The following PTPRQ variants were observed in gnomAD, a reference collection of about 807,000 sequenced individuals.
The protein encoded by PTPRQ is phosphatidylinositol phosphatase PTPRQ.
PTPRQ carries 199 observed loss-of-function variants against 246.0 expected under a neutral mutation model. That is an observed-to-expected ratio of 0.81 (90% CI 0.72 to 0.91). The LOEUF (loss-of-function observed/expected upper bound fraction) is 0.91. Among genes scored for constraint, PTPRQ ranks in the 40% least tolerant of loss-of-function variants. PTPRQ has a pLI of 0.00. For synonymous variants in PTPRQ, 869 were observed against 853.2 expected (o/e 1.02, Z -0.32); for missense variants, 2,624 against 2,528.4 (o/e 1.04, Z -0.81).
At chr12:80,667,279 A>C (rs1900817567) in intron 39 of PTPRQ, among the ~76,000 whole-genome samples, 1 of 151,858 alleles carries the variant, frequency 6.6e-6, no homozygotes, top group Non-Finnish European at 1.5e-5. Flanking sequence ...CCTTCTTCAA[A>C]ACTGTCTTCA....
intron 6 of PTPRQ, among the ~76,000 whole-genome samples, chr12:80,467,754 A>G (rs1182722750): frequency 2.0e-5 from 3 of 151,890 alleles, no homozygotes; most frequent in African/African-American, 4.8e-5. Flanking sequence ...AACTATCACA[A>G]GAACAAAAAA....
intron 25 of PTPRQ, among the ~76,000 whole-genome samples, chr12:80,568,898 A>G (rs1897056840): frequency 6.6e-6 from 1 of 152,150 alleles, no homozygotes; most frequent in Admixed American, 6.5e-5. Flanking sequence ...ATATTATAAA[A>G]TTTTTCATAC....
chr12:80,511,981 GC>G (rs1555190832), intron 17 of PTPRQ, among the ~76,000 whole-genome samples: 1 of 152,180 alleles, frequency 6.6e-6, no homozygotes, highest in Non-Finnish European at 1.5e-5. Flanking sequence ...GGGATGCTAG[GC>G]TATTTTAGTA....
chr12:80,640,568 C>A (rs1899820163), intron 35 of PTPRQ, among the ~76,000 whole-genome samples: 2 of 152,124 alleles, frequency 1.3e-5, no homozygotes, highest in African/African-American at 4.8e-5. Flanking sequence ...TGAATCTTTA[C>A]TTGCAGATAC....
At chr12:80,574,814 C>A (rs1044446276) in intron 25 of PTPRQ, among the ~76,000 whole-genome samples, 2 of 152,062 alleles carry the variant, frequency 1.3e-5, no homozygotes, top group Admixed American at 6.6e-5. Flanking sequence ...CATGCACACT[C>A]GGTTTTTCAG....
At chr12:80,582,792 G>A (rs1565800333) in intron 25 of PTPRQ, among the ~76,000 whole-genome samples, 1 of 152,090 alleles carries the variant, frequency 6.6e-6, no homozygotes, top group African/African-American at 2.4e-5. Flanking sequence ...TCGGATATGA[G>A]GTTAGATGAA....
At position 80,669,059 on chromosome 12, in the gene PTPRQ, C is replaced by T. The variant is rs986995950; in HGVS notation, c.6245C>T (p.Thr2082Ile). 7 of 1,550,416 alleles carry T rather than the reference C, an allele frequency of 4.5e-6. No individual in the cohort carries two copies. The Admixed American group carries it at 5.9e-5, about 13-fold the overall frequency. The change falls in exon 40 of 45, where the codon ACA becomes ATA. Residue 2082 changes from threonine (T) to isoleucine (I), a missense_variant. Coordinates refer to ENST00000644991, the MANE Select transcript of PTPRQ (RefSeq NM_001145026.2). ...GCTACTCAAGGTCCACTACCAGGAA[C>T]AGTTGGAGATTTTTGGAGAATGGTG... The part of the protein sequence containing the change: ...FIATQGPLPG[T>I]VGDFWRMVWE...
At chr12:80,578,475 C>G (rs1156920621) in intron 25 of PTPRQ, among the ~76,000 whole-genome samples, 1 of 151,992 alleles carries the variant, frequency 6.6e-6, no homozygotes, top group East Asian at 1.9e-4. Context: ...ACTGCAAGCT[C>G]CGCCTCCCGG....
Position 80,613,655 on chromosome 12 carries a change from A to C in PTPRQ, c.4982A>C (p.Gln1661Pro). 1 of 1,545,812 alleles carries C rather than the reference A, an allele frequency of 6.5e-7. No homozygotes were observed. Among genetic ancestry groups the C allele is most frequent in the East Asian group, 2.5e-5 (1 of 40,712 alleles). ...QKIPDEVTKF[Q>P]LTFLPPSQPN... ...ATACCAGATGAAGTTACAAAATTTC[A>C]ATTAACGTTCCTTCCTCCTTCTCAA... The change falls in exon 29 of 45, where the codon CAA becomes CCA. Residue 1661 changes from glutamine to proline, a missense_variant. Gln to Pro is a moderately conservative substitution (Grantham distance 76, BLOSUM62 -1). Coordinates refer to ENST00000644991, the MANE Select transcript of PTPRQ (RefSeq NM_001145026.2).
chr12:80,641,997 C>T (rs968413905), intron 35 of PTPRQ, among the ~76,000 whole-genome samples: 2 of 149,286 alleles, frequency 1.3e-5, no homozygotes, highest in East Asian at 3.9e-4. Context: ...TTGCTTCTTT[C>T]TTTTTTCTTG....
chr12:80,667,796 A>G (rs1900832954), intron 39 of PTPRQ, among the ~76,000 whole-genome samples: 1 of 151,982 alleles, frequency 6.6e-6, no homozygotes, highest in South Asian at 2.1e-4. Context: ...CTACATTAAC[A>G]TATATTATTT....
chr12:80,674,561 G>A lies in PTPRQ; in HGVS notation c.6738+1257G>A, dbSNP rs1378977030. Among the ~76,000 whole-genome samples, 5 of 152,134 alleles carry A rather than the reference G, an allele frequency of 3.3e-5. No individual in the cohort carries two copies. In the East Asian group the frequency reaches 7.8e-4, roughly 24 times the overall value. ...CTTTTTGGACAAATGTCCCTTTTAGGAAAGATATTTGAGCTTCTACTCTAA... is the reference window on the plus strand; with the variant it reads ...CTTTTTGGACAAATGTCCCTTTTAGAAAAGATATTTGAGCTTCTACTCTAA... On this transcript the variant is annotated intron_variant, in intron 43 of 44. Transcript: ENST00000644991.
intron 8 of PTPRQ, among the ~76,000 whole-genome samples, chr12:80,476,904 G>C (rs191250916): frequency 1.3e-5 from 2 of 152,088 alleles, no homozygotes; most frequent in East Asian, 3.8e-4. Flanking sequence ...TATAGTAATA[G>C]GAAAGCTATA....
intron 3 of PTPRQ, among the ~76,000 whole-genome samples, chr12:80,449,878 T>A (rs1201822668): frequency 1.3e-5 from 2 of 152,102 alleles, no homozygotes; most frequent in South Asian, 4.1e-4. Flanking sequence ...TGGTTCCATA[T>A]GAACTTTAAA....
intron 24 of PTPRQ, among the ~76,000 whole-genome samples, chr12:80,547,818 C>G (rs905963050): frequency 6.6e-6 from 1 of 152,032 alleles, no homozygotes; most frequent in African/African-American, 2.4e-5. Context: ...CAGTAAATGC[C>G]CACTTCATAG....
intron 8 of PTPRQ, among the ~76,000 whole-genome samples, chr12:80,481,125 G>A (rs371635965): frequency 8.1e-4 from 124 of 152,204 alleles, no homozygotes; most frequent in South Asian, 1.5e-3. Flanking sequence ...AAAATCCTCA[G>A]TAAAATACTG....
chr12:80,563,043 C>A (rs927441474), intron 25 of PTPRQ, among the ~76,000 whole-genome samples: 21 of 151,978 alleles, frequency 1.4e-4, no homozygotes, highest in African/African-American at 5.1e-4. Context: ...ACTATACTCC[C>A]TAATATGAAA....
At chr12:80,661,644 G>A (rs1163509591) in intron 39 of PTPRQ, among the ~76,000 whole-genome samples, 2 of 151,550 alleles carry the variant, frequency 1.3e-5, no homozygotes, top group African/African-American at 2.4e-5. Flanking sequence ...GTGTTTGCAG[G>A]AGTAAATATA....
Position 80,652,826 on chromosome 12 carries a change from T to G in PTPRQ, c.6107T>G (p.Ile2036Arg), listed in dbSNP as rs1173087948. 2.3e-5 allele frequency: 34 copies of G among 1,502,430 alleles called. No homozygotes were observed. The highest frequency in any genetic ancestry group is 2.8e-5 in the Non-Finnish European group (31 of 1,126,014). The allele number at this position is 1,502,430 out of a possible 1,614,324, so 93.1% of individuals were successfully genotyped here. ...AGAGCAAAAAACCGCTTCCCAAACA[T>G]AAAACCATGTATGTGCATTTGTTGG... Reference protein sequence around the residue: ...WNRAKNRFPNIKPYNNNRVKL... With the variant: ...WNRAKNRFPNRKPYNNNRVKL... Residue 2036 changes from isoleucine (I) to arginine (R), a missense_variant, in exon 38 of 45, where the codon ATA becomes AGA. Transcript: ENST00000644991.
Sources: allele counts gnomAD v4.1 joint callset (sites outside exome capture counted in the v4.1 genomes callset), GRCh38; gene constraint gnomAD v4.1.1; transcripts MANE v1.5; gene names NCBI Gene and HGNC (gene_info 2026-07-23, HGNC 2026-07-21).